The following FHAD1 variants were observed in gnomAD, a reference collection of about 807,000 sequenced individuals.
FHAD1 encodes the protein forkhead associated phosphopeptide binding domain 1.
In FHAD1, 146 loss-of-function variants were observed where a neutral mutation model predicts 191.3. The observed-to-expected ratio is 0.76, with a 90% CI of 0.67 to 0.88. FHAD1 has a LOEUF of 0.88. FHAD1 is among the 40% of genes least tolerant of loss of function. The pLI is 0.00. For synonymous variants in FHAD1, 616 were observed against 672.3 expected (o/e 0.92, Z 1.29); for missense variants, 1,635 against 1,785.8 (o/e 0.92, Z 1.52).
In FHAD1 at chr1:15,276,479, C is replaced by T. The variant is rs1378737635; in HGVS notation, c.300+3950C>T. On this transcript the variant is annotated intron_variant, in intron 3 of 33. Coordinates refer to ENST00000688493, the MANE Select transcript of FHAD1 (RefSeq NM_001391957.1). The surrounding 1 kb of genome is among the most constrained non-coding windows in gnomAD (Gnocchi z 4.7). ...CACCCACGATATGCTTAAGAGTACA[C>T]GTTATATATCATAGCTTTTTTGCCA... Among the ~76,000 whole-genome samples the T allele has an allele frequency of 1.3e-5, 2 of 152,208 alleles. No individual in the cohort carries two copies. The highest frequency in any genetic ancestry group is 2.9e-5 in the Non-Finnish European group (2 of 68,042).
chr1:15,403,000 T>G (rs1707158640), downstream of FHAD1: 1 of 152,214 alleles, frequency 6.6e-6, no homozygotes, highest in Non-Finnish European at 1.5e-5. Flanking sequence ...AAAACTTTAT[T>G]TATAAAAATA....
intron 4 of FHAD1, among the ~76,000 whole-genome samples, chr1:15,293,587 A>G (rs143463127): frequency 0.012 from 1,848 of 152,030 alleles, 14 homozygotes; most frequent in African/African-American, 0.026. Flanking sequence ...GTGTGGTGGC[A>G]CGCACCTGTA....
Position 15,329,882 on chromosome 1 carries a change from A to G in FHAD1, c.1906+341A>G. On this transcript the variant is annotated intron_variant, in intron 14 of 33. Transcript: ENST00000688493. This position sits in a 1 kb window ranked among gnomAD's most constrained non-coding sequence, Gnocchi z 5.0. ...TCCAGGCAAGTGACTTACCCTGTCT[A>G]TGCCTCAGTTTCCCTATCTGTAAAA... The G allele has an allele frequency of 3.5e-6, 1 of 282,762 alleles. No homozygotes were observed. The highest frequency in any genetic ancestry group is 7.2e-5 in the East Asian group (1 of 13,796). 17.5% of individuals were successfully genotyped at this position (282,762 alleles called of 1,614,324 possible).
rs1558285544 is a variant in FHAD1, at chr1:15,381,254, CG to C, written c.3827del (p.Gly1276GlufsTer4). Reference protein sequence around the residue: ...KLYLDMSKTLGSLMNIKNMSG... With the variant: ...KLYLDMSKTLXSLMNIKNMSG... ...AGTACCTGGATATGAGCAAAACCCT[CG>C]GAAGTCTCATGAACATCAAGAATAT... On this transcript the variant is annotated frameshift_variant, in exon 30 of 34. Coordinates refer to ENST00000688493, the MANE Select transcript of FHAD1 (RefSeq NM_001391957.1). LOFTEE classifies it high-confidence loss of function. This position sits in a 1 kb window ranked among gnomAD's most constrained non-coding sequence, Gnocchi z 4.6. The C allele has an allele frequency of 6.4e-7, 1 of 1,551,530 alleles. No individual in the cohort carries two copies. The highest frequency in any genetic ancestry group is 2.0e-5 in the Admixed American group (1 of 50,986).
At chr1:15,297,461 A>G (rs1159657005) in intron 5 of FHAD1, among the ~76,000 whole-genome samples, 1 of 152,234 alleles carries the variant, frequency 6.6e-6, no homozygotes, top group Non-Finnish European at 1.5e-5. Context: ...CCTTGCAGCC[A>G]TTCTCAGAGT....
chr1:15,248,734 A>T (rs1780601), intron 1 of FHAD1, among the ~76,000 whole-genome samples: 66,169 of 151,640 alleles, frequency 0.44, 14,888 homozygotes, highest in African/African-American at 0.54. Context: ...TACAGGTGCA[A>T]GCCACCATGC....
chr1:15,342,267 A>G (rs763635752), intron 16 of FHAD1, among the ~76,000 whole-genome samples: 65 of 152,148 alleles, frequency 4.3e-4, no homozygotes, highest in Non-Finnish European at 7.8e-4. Context: ...CTTTCTCTTT[A>G]TACATATCGG....
At chr1:15,290,628 C>T (rs898353771) in intron 4 of FHAD1, among the ~76,000 whole-genome samples, 6 of 152,098 alleles carry the variant, frequency 3.9e-5, no homozygotes, top group Admixed American at 3.3e-4. Flanking sequence ...TCAAATGCAC[C>T]ACCACATACC....
At chr1:15,273,648 T>C (rs919021162) in intron 3 of FHAD1, among the ~76,000 whole-genome samples, 1 of 152,228 alleles carries the variant, frequency 6.6e-6, no homozygotes, top group Non-Finnish European at 1.5e-5. Flanking sequence ...GCCATCACCA[T>C]GTACATCCTA....
chr1:15,259,631 T>C (rs1650044691), intron 2 of FHAD1, among the ~76,000 whole-genome samples: 1 of 152,208 alleles, frequency 6.6e-6, no homozygotes, highest in Admixed American at 6.5e-5. Flanking sequence ...CGAAAATCAC[T>C]TTTCCTGTGA....
At position 15,329,401 on chromosome 1, in the gene FHAD1, T is replaced by C. The variant is rs1012438808; in HGVS notation, c.1766T>C (p.Leu589Pro). 28 of 1,551,006 alleles carry C rather than the reference T, an allele frequency of 1.8e-5. No individual in the cohort carries two copies. The highest frequency in any genetic ancestry group is 2.4e-5 in the Non-Finnish European group (28 of 1,146,826). ...SHDLKKEVDL[L>P]QHLQVSPPVS... ...GACCTGAAGAAGGAGGTCGACCTTC[T>C]TCAGCACCTCCAGGTGAGCCCACCT... The change falls in exon 14 of 34, where the codon CTT (leucine) becomes CCT (proline). Residue 589 changes from leucine to proline, a missense_variant. By Grantham distance (98) the Leu-to-Pro change is moderately conservative. Transcript: ENST00000688493. The surrounding 1 kb of genome is among the most constrained non-coding windows in gnomAD (Gnocchi z 5.0).
rs200514201 is a variant in FHAD1, at chr1:15,329,163, TA to T, written c.1711-174del. ...CCATCAAAAGTCCAAATTAGAGTAT[TA>T]AAAAAAAACCTGTCAAAACATAAAA... On this transcript the variant is annotated intron_variant, in intron 13 of 33. Coordinates refer to ENST00000688493, the MANE Select transcript of FHAD1 (RefSeq NM_001391957.1). This position sits in a 1 kb window ranked among gnomAD's most constrained non-coding sequence, Gnocchi z 5.0. 3.7e-4 allele frequency: 182 copies of T among 490,756 alleles called. 1 individual carries two copies. The highest frequency in any genetic ancestry group is 2.1e-3 in the East Asian group (67 of 32,614). 30.4% of individuals were successfully genotyped at this position (490,756 alleles called of 1,614,324 possible). A position where few individuals can be genotyped will look rare whatever the true frequency, so the allele number is the denominator to read the frequency against.
At chr1:15,342,501 A>G (rs2102273710) in intron 16 of FHAD1, among the ~76,000 whole-genome samples, 2 of 152,304 alleles carry the variant, frequency 1.3e-5, no homozygotes, top group South Asian at 4.1e-4. Flanking sequence ...GAAGGCTTAG[A>G]GGAAGGTTTT....
rs1451265637 is a variant in FHAD1 at position 15,318,307 on chromosome 1, T to C, written c.1365+379T>C. On this transcript the variant is annotated intron_variant, in intron 10 of 33. Coordinates refer to ENST00000688493, the MANE Select transcript of FHAD1 (RefSeq NM_001391957.1). This position sits in a 1 kb window ranked among gnomAD's most constrained non-coding sequence, Gnocchi z 4.1. ...TGTATTGCATACTCCAGACCTGCGC[T>C]ATCCATAACAGTAGCCACTAACCGC... Among the ~76,000 whole-genome samples, 2 of 152,232 alleles carry C rather than the reference T, an allele frequency of 1.3e-5. No individual in the cohort carries two copies. Among genetic ancestry groups the C allele is most frequent in the Non-Finnish European group, 1.5e-5 (1 of 68,046 alleles).
At chr1:15,319,565 G>C (rs1031654123) in intron 10 of FHAD1, among the ~76,000 whole-genome samples, 3 of 152,100 alleles carry the variant, frequency 2.0e-5, no homozygotes, top group Non-Finnish European at 4.4e-5. Flanking sequence ...TTCAGGACCA[G>C]CCTGGCCAAC....
rs759035080 is a variant in FHAD1 at position 15,289,660 on chromosome 1, A to G, written c.562A>G (p.Lys188Glu). Residue 188 changes from lysine to glutamate, a missense_variant, in exon 4 of 34, where the codon AAG (lysine) becomes GAG (glutamate). Physicochemically the swap from Lys to Glu is moderately conservative, Grantham distance 56 (BLOSUM62 1). Transcript: ENST00000688493. The surrounding 1 kb of genome is among the most constrained non-coding windows in gnomAD (Gnocchi z 4.2). Reference protein sequence around the residue: ...VDDARKPPVIKQVWTNAMKLS... With the variant: ...VDDARKPPVIEQVWTNAMKLS... ...CGACGCCCGCAAGCCACCCGTCATC[A>G]AGCAAGGTATGCGTCAGGGCTGCCA... 6.5e-7 allele frequency: 1 copy of G among 1,547,844 alleles called. No individual in the cohort carries two copies. The highest frequency in any genetic ancestry group is 8.7e-7 in the Non-Finnish European group (1 of 1,143,898).
chr1:15,391,752 A>ATATT (rs1166629900), intron 33 of FHAD1, among the ~76,000 whole-genome samples: 3 of 152,252 alleles, frequency 2.0e-5, no homozygotes, highest in Non-Finnish European at 4.4e-5. Flanking sequence ...TATGCAAGGG[A>ATATT]CATTTTTGGA....
chr1:15,308,256 G>T (rs1671147928), intron 6 of FHAD1, among the ~76,000 whole-genome samples: 1 of 152,142 alleles, frequency 6.6e-6, no homozygotes, highest in African/African-American at 2.4e-5. Context: ...CTTGAACTTT[G>T]CTCTGTATCC....
At chr1:15,345,032 A>C in intron 16 of FHAD1, 51 bp from the exon 17 acceptor site, 1 of 1,445,548 alleles carries the variant, frequency 6.9e-7, no homozygotes, top group Non-Finnish European at 9.5e-7. Context: ...GCAGCGTCCA[A>C]ATTCCTGCCA....
Sources: allele counts gnomAD v4.1 joint callset (sites outside exome capture counted in the v4.1 genomes callset), GRCh38; gene constraint gnomAD v4.1.1; non-coding constraint Gnocchi (gnomAD v3.1); transcripts MANE v1.5; gene names NCBI Gene and HGNC (gene_info 2026-07-23, HGNC 2026-07-21).